The following HYDIN variants were observed in gnomAD, a reference collection of about 807,000 sequenced individuals.
HYDIN encodes HYDIN axonemal central pair apparatus protein.
A neutral mutation model predicts 403.9 loss-of-function variants in HYDIN; 132 were observed. The ratio of observed to expected loss-of-function variants is 0.33; its 90% confidence interval spans 0.28 to 0.38. The LOEUF (loss-of-function observed/expected upper bound fraction) is 0.38. Ranked by LOEUF, HYDIN falls within the 10% of genes least tolerant of loss-of-function variation. The probability of loss-of-function intolerance (pLI) is 1.00; values close to 1 mark genes in which losing one functional copy is unlikely to be tolerated. For missense variants in HYDIN, 2,827 were observed against 5,009.5 expected (o/e 0.56, Z 13.15); for synonymous variants, 1,202 against 1,891.7 (o/e 0.64, Z 9.46).
In HYDIN at chr16:70,804,479, A is replaced by G. The variant is rs1222119419; in HGVS notation, c.*3101T>C. On this transcript the variant is annotated 3_prime_UTR_variant, in exon 86 of 86. Coordinates refer to ENST00000393567, the MANE Select transcript of HYDIN (RefSeq NM_001270974.2). ...GGGTGAAGGGCTGAAAAACCAGGTG[A>G]CTGATTGGTTGGGTAAGACGGATGA... is the stretch of plus-strand genomic sequence containing the variant. 2.0e-5 allele frequency among the ~76,000 whole-genome samples: 3 copies of G among 152,146 alleles called. No homozygotes were observed. Among genetic ancestry groups the G allele is most frequent in the Non-Finnish European group, 2.9e-5 (2 of 68,024 alleles).
At chr16:71,212,795 A>C (rs2088667348) in intron 1 of HYDIN, among the ~76,000 whole-genome samples, 1 of 152,116 alleles carries the variant, frequency 6.6e-6, no homozygotes, top group Non-Finnish European at 1.5e-5. Context: ...ACAACTGATA[A>C]TTTACCGAAG....
intron 23 of HYDIN, among the ~76,000 whole-genome samples, chr16:70,994,709 G>A (rs892103709): frequency 8.7e-5 from 13 of 149,160 alleles, no homozygotes; most frequent in Middle Eastern, 3.4e-3. Flanking sequence ...AGGAGCTGCC[G>A]TGGGTAGGAA....
Position 70,862,185 on chromosome 16 carries a change from G to C in HYDIN, c.11640C>G (p.Asp3880Glu), listed in dbSNP as rs1432303425. 6.2e-7 allele frequency: 1 copy of C among 1,613,482 alleles called. No homozygotes were observed. ...GCTGTGGGGAACCCTCGGCCCAGTG[G>C]TCCATGGTGCTGTCCAGGGTGCTGC... is the stretch of plus-strand genomic sequence containing the variant. ...HTGSTLDSTM[D>E]HWAEGSPQPF... Residue 3880 changes from aspartate (D) to glutamate (E), a missense_variant, in exon 69 of 86, where the codon GAC becomes GAG. By Grantham distance (45) the Asp-to-Glu change is conservative. Transcript: ENST00000393567.
At chr16:71,177,438 T>C (rs989538710) in intron 4 of HYDIN, among the ~76,000 whole-genome samples, 2 of 152,132 alleles carry the variant, frequency 1.3e-5, no homozygotes, top group African/African-American at 4.8e-5. Flanking sequence ...CTCCAGTTCT[T>C]TTCCTTCCCT....
intron 80 of HYDIN, among the ~76,000 whole-genome samples, chr16:70,830,969 G>A (rs1356431143): frequency 6.6e-6 from 1 of 151,666 alleles, no homozygotes; most frequent in Non-Finnish European, 1.5e-5. Context: ...TGTTATTACT[G>A]TTGTTGTTTT....
chr16:71,226,380 T>C (rs2041033554), intron 1 of HYDIN, among the ~76,000 whole-genome samples: 1 of 151,840 alleles, frequency 6.6e-6, no homozygotes, highest in Non-Finnish European at 1.5e-5. Flanking sequence ...CATTCAGCCT[T>C]ATGAAAAAAA....
At position 70,833,062 on chromosome 16, in the gene HYDIN, T is replaced by C. The variant is rs772742279; in HGVS notation, c.13685A>G (p.Lys4562Arg). Reference sequence around the variant, plus strand: ...AGGCTCAAATTTTTTGATGTCCCATTTAAACCTTTTCCAAGAAAAAGAAGA... The same window carrying C: ...AGGCTCAAATTTTTTGATGTCCCATCTAAACCTTTTCCAAGAAAAAGAAGA... ...MNTGDVGARF[K>R]WDIKKFEPHF... Residue 4562 changes from lysine to arginine, a missense_variant, in exon 80 of 86, where the codon AAA becomes AGA. Lys to Arg is a conservative substitution (Grantham distance 26, BLOSUM62 2). Transcript: ENST00000393567. 1.9e-6 allele frequency: 3 copies of C among 1,610,674 alleles called. No homozygotes were observed. In the South Asian group the frequency reaches 3.3e-5, roughly 18 times the overall value.
chr16:70,808,941 G>C (rs941525204), intron 85 of HYDIN, among the ~76,000 whole-genome samples: 1 of 152,208 alleles, frequency 6.6e-6, no homozygotes, highest in African/African-American at 2.4e-5. Context: ...AGAGGGCAGA[G>C]CATCGGGACA....
intron 18 of HYDIN, among the ~76,000 whole-genome samples, chr16:71,033,299 C>T (rs1213782556): frequency 6.6e-6 from 1 of 152,198 alleles, no homozygotes; most frequent in Non-Finnish European, 1.5e-5. Context: ...ATTTTCTTTT[C>T]CCTCCAAATA....
intron 45 of HYDIN, among the ~76,000 whole-genome samples, chr16:70,932,166 C>T (rs1429887160): frequency 2.0e-5 from 3 of 146,724 alleles, no homozygotes; most frequent in Admixed American, 1.4e-4. Context: ...ACCAGCCTAG[C>T]CAACATGGTG....
At chr16:71,199,045 A>G (rs762947890) in intron 1 of HYDIN, among the ~76,000 whole-genome samples, 3 of 152,142 alleles carry the variant, frequency 2.0e-5, no homozygotes, top group Non-Finnish European at 2.9e-5. Flanking sequence ...ATGATAGCTC[A>G]TTGTGGTTTT....
At chr16:71,167,982 G>A (rs796478756) in intron 5 of HYDIN, among the ~76,000 whole-genome samples, 38 of 150,790 alleles carry the variant, frequency 2.5e-4, no homozygotes, top group African/African-American at 8.0e-4. Flanking sequence ...TTTCTTTCTC[G>A]TATCATCGAT....
At chr16:70,874,979 C>T (rs2040361623) in intron 62 of HYDIN, 60 bp from the exon 63 acceptor site, 4 of 1,427,120 alleles carry the variant, frequency 2.8e-6, no homozygotes, top group South Asian at 2.8e-5. Flanking sequence ...GGCTTTGAGT[C>T]TGGGGTGAGA....
chr16:70,809,114 C>T (rs1035457867), intron 85 of HYDIN, among the ~76,000 whole-genome samples: 1 of 152,178 alleles, frequency 6.6e-6, no homozygotes, highest in Non-Finnish European at 1.5e-5. Context: ...TGAGGTCTCG[C>T]TATGTTGCCC....
intron 58 of HYDIN, among the ~76,000 whole-genome samples, chr16:70,888,606 C>T (rs28809824): frequency 0.025 from 3,733 of 148,064 alleles, 167 homozygotes; most frequent in African/African-American, 0.091. Context: ...GTCTCATTAT[C>T]ACTAGGTTGG....
intron 71 of HYDIN, among the ~76,000 whole-genome samples, chr16:70,859,463 C>T (rs2075216206): frequency 6.6e-6 from 1 of 152,170 alleles, no homozygotes; most frequent in Admixed American, 6.5e-5. Context: ...CTCCTTGGCC[C>T]ACTCTATTCA....
intron 1 of HYDIN, among the ~76,000 whole-genome samples, chr16:71,197,814 C>T (rs1281406139): frequency 6.6e-6 from 1 of 152,238 alleles, no homozygotes; most frequent in Admixed American, 6.5e-5. Context: ...GTGGTGCCAT[C>T]TTGGCTCACT....
intron 18 of HYDIN, among the ~76,000 whole-genome samples, chr16:71,043,588 C>T (rs1459620231): frequency 6.6e-6 from 1 of 151,462 alleles, no homozygotes; most frequent in East Asian, 1.9e-4. Context: ...TGTTCTTGTT[C>T]TTTTAAAAAA....
At chr16:71,109,292 C>G (rs2083728971) in intron 10 of HYDIN, among the ~76,000 whole-genome samples, 2 of 135,934 alleles carry the variant, frequency 1.5e-5, no homozygotes, top group South Asian at 4.5e-4. Flanking sequence ...AGAATGACAT[C>G]TTTTATTTAG....
Sources: allele counts gnomAD v4.1 joint callset (sites outside exome capture counted in the v4.1 genomes callset), GRCh38; gene constraint gnomAD v4.1.1; transcripts MANE v1.5; gene names NCBI Gene and HGNC (gene_info 2026-07-23, HGNC 2026-07-21).